The following EXOC4 variants were observed in gnomAD, a reference collection of about 807,000 sequenced individuals.
EXOC4 encodes SEC8-like 1.
In EXOC4, 71 loss-of-function variants were observed where a neutral mutation model predicts 107.2. The ratio of observed to expected loss-of-function variants is 0.66; its 90% CI spans 0.55 to 0.81. The LOEUF is 0.81. Among genes scored for constraint, EXOC4 ranks in the 30% least tolerant of loss-of-function variants. EXOC4 has a pLI of 0.00. For missense variants in EXOC4, 1,108 were observed against 1,189.6 expected, an observed-to-expected ratio of 0.93 and a Z score of 1.01; for synonymous variants, 456 against 441.2, an observed-to-expected ratio of 1.03 and a Z score of -0.42.
chr7:133,698,469 C>A (rs111695002), intron 10 of EXOC4, among the ~76,000 whole-genome samples: 103 of 151,580 alleles, frequency 6.8e-4, no homozygotes, highest in African/African-American at 2.4e-3. Flanking sequence ...TTAGTCCCAG[C>A]TACTTGGGAG....
At chr7:133,296,221 G>A (rs1000928848) in intron 3 of EXOC4, among the ~76,000 whole-genome samples, 1 of 152,136 alleles carries the variant, frequency 6.6e-6, no homozygotes, top group African/African-American at 2.4e-5. Context: ...ATGTGTATGT[G>A]TGAAGGTGGC....
In EXOC4 at chr7:133,884,691, C is replaced by T. The variant is rs994196615; in HGVS notation, c.1735-10908C>T. On this transcript the variant is annotated intron_variant, in intron 11 of 17. Coordinates refer to ENST00000253861, the MANE Select transcript of EXOC4 (RefSeq NM_021807.4). ...ACATATTTCTCTGACCATATAGAAC[C>T]TTAGATTCTTAGCAGCATCTCTGAA... 2.0e-5 allele frequency among the ~76,000 whole-genome samples: 3 copies of T among 151,268 alleles called. No homozygotes were observed. The East Asian group carries it at 5.9e-4, about 29-fold the overall frequency.
chr7:133,868,173 G>T (rs1337629363), intron 11 of EXOC4, among the ~76,000 whole-genome samples: 1 of 152,112 alleles, frequency 6.6e-6, no homozygotes, highest in East Asian at 1.9e-4. Context: ...CTCTTGGCTT[G>T]AGCTAGGGTC....
chr7:133,994,161 G>T (rs1284648093), intron 14 of EXOC4, among the ~76,000 whole-genome samples: 1 of 152,202 alleles, frequency 6.6e-6, no homozygotes, highest in Non-Finnish European at 1.5e-5. Flanking sequence ...TCCCCTCCCT[G>T]TGCCCATGTG....
chr7:133,752,937 A>G (rs1344878292), intron 10 of EXOC4, among the ~76,000 whole-genome samples: 2 of 152,168 alleles, frequency 1.3e-5, no homozygotes, highest in Non-Finnish European at 2.9e-5. Flanking sequence ...TCCCACACAG[A>G]TGCCCACCTC....
intron 7 of EXOC4, among the ~76,000 whole-genome samples, chr7:133,387,819 A>C (rs1200640308): frequency 1.3e-5 from 2 of 152,202 alleles, no homozygotes; most frequent in African/African-American, 4.8e-5. Flanking sequence ...CAGTCTGAAC[A>C]CAAGTACTAG....
At chr7:133,364,862 C>T (rs1796216795) in intron 6 of EXOC4, among the ~76,000 whole-genome samples, 3 of 152,162 alleles carry the variant, frequency 2.0e-5, no homozygotes, top group African/African-American at 4.8e-5. Context: ...AATAATTTGA[C>T]AGTTCACAAA....
At chr7:133,687,452 A>G (rs1205681721) in intron 10 of EXOC4, among the ~76,000 whole-genome samples, 1 of 151,892 alleles carries the variant, frequency 6.6e-6, no homozygotes, top group Admixed American at 6.6e-5. Context: ...AAAAACTGAA[A>G]CTCACCAGAT....
At chr7:133,680,149 T>C (rs1794155384) in intron 10 of EXOC4, among the ~76,000 whole-genome samples, 1 of 152,196 alleles carries the variant, frequency 6.6e-6, no homozygotes, top group Non-Finnish European at 1.5e-5. Context: ...AAGTGATTGA[T>C]AGCTTTGATA....
In EXOC4 at chr7:133,934,506, C is replaced by T. The variant is rs576846349; in HGVS notation, c.2028-3385C>T. Among the ~76,000 whole-genome samples, 34 of 152,282 alleles carry T rather than the reference C, an allele frequency of 2.2e-4. 1 individual carries two copies. In the South Asian group the frequency reaches 5.8e-3, roughly 26 times the overall value. ...CAAATCCCAGTGAGCCAGAGGGAAA[C>T]GGGATAGGCATCAAGCGCTGGCAGC... On this transcript the variant is annotated intron_variant, in intron 13 of 17. Transcript: ENST00000253861.
At chr7:133,600,757 G>C (rs1185761931) in intron 9 of EXOC4, among the ~76,000 whole-genome samples, 1 of 152,118 alleles carries the variant, frequency 6.6e-6, no homozygotes, top group Non-Finnish European at 1.5e-5. Flanking sequence ...GGCCTTTTGT[G>C]GGACAGATAT....
At chr7:133,720,668 C>T (rs1293849126) in intron 10 of EXOC4, among the ~76,000 whole-genome samples, 1 of 152,100 alleles carries the variant, frequency 6.6e-6, no homozygotes, top group Non-Finnish European at 1.5e-5. Flanking sequence ...AGAGTCAGGA[C>T]AATATCTTGC....
At chr7:133,502,167 T>TA (rs977106611) in intron 9 of EXOC4, among the ~76,000 whole-genome samples, 21 of 150,460 alleles carry the variant, frequency 1.4e-4, no homozygotes, top group Non-Finnish European at 1.6e-4. Context: ...AAATTATATG[T>TA]AAAAAAAAAG....
intron 10 of EXOC4, among the ~76,000 whole-genome samples, chr7:133,772,470 G>C (rs764567390): frequency 6.6e-6 from 1 of 151,636 alleles, no homozygotes; most frequent in Non-Finnish European, 1.5e-5. Context: ...CACGGCACAT[G>C]TATACATATG....
intron 6 of EXOC4, among the ~76,000 whole-genome samples, chr7:133,370,921 C>T (rs542884065): frequency 2.0e-5 from 3 of 152,162 alleles, no homozygotes; most frequent in Admixed American, 1.3e-4. Context: ...ACTTTGCAGA[C>T]GGGGACACTT....
intron 10 of EXOC4, among the ~76,000 whole-genome samples, chr7:133,715,108 C>T (rs1185704005): frequency 6.6e-6 from 1 of 152,188 alleles, no homozygotes; most frequent in African/African-American, 2.4e-5. Context: ...GGCTAGACAG[C>T]AGAGAATGGA....
Position 133,421,496 on chromosome 7 carries a change from C to T in EXOC4, c.1182+46494C>T, listed in dbSNP as rs1050659100. On this transcript the variant is annotated intron_variant, in intron 7 of 17. Coordinates refer to ENST00000253861, the MANE Select transcript of EXOC4 (RefSeq NM_021807.4). Reference sequence around the variant, plus strand: ...TACTGTACGAGTAGCAGAGAATGTTCCTTGCAGAGGACAGAGGGAACTCAG... The same window carrying T: ...TACTGTACGAGTAGCAGAGAATGTTTCTTGCAGAGGACAGAGGGAACTCAG... Among the ~76,000 whole-genome samples the T allele has an allele frequency of 4.9e-4, 75 of 152,242 alleles. 1 individual carries two copies. The highest frequency in any genetic ancestry group is 3.3e-3 in the Admixed American group (50 of 15,286).
At chr7:133,635,125 T>C (rs529618685) in intron 10 of EXOC4, among the ~76,000 whole-genome samples, 1 of 152,266 alleles carries the variant, frequency 6.6e-6, no homozygotes, top group Non-Finnish European at 1.5e-5. Flanking sequence ...TAGGTTTCTT[T>C]CCAAAAATAA....
At position 133,630,176 on chromosome 7, in the gene EXOC4, C is replaced by T. The variant is rs1802556009; in HGVS notation, c.1514+35C>T. The stretch of plus-strand genomic sequence containing the variant: ...GTGCTATGATATACTTACTGAAGAT[C>T]AATATTTTCATTATTTATGCTGGTC... On this transcript the variant is annotated intron_variant, in intron 10 of 17. Coordinates refer to ENST00000253861, the MANE Select transcript of EXOC4 (RefSeq NM_021807.4). 10 of 1,451,904 alleles carry T rather than the reference C, an allele frequency of 6.9e-6. No homozygotes were observed. In the South Asian group the frequency reaches 1.0e-4, roughly 15 times the overall value. 89.9% of individuals were successfully genotyped at this position (1,451,904 alleles called of 1,614,324 possible).
Sources: allele counts gnomAD v4.1 joint callset (sites outside exome capture counted in the v4.1 genomes callset), GRCh38; gene constraint gnomAD v4.1.1; transcripts MANE v1.5; gene names NCBI Gene and HGNC (gene_info 2026-07-23, HGNC 2026-07-21).